The following AMBRA1 variants were observed in gnomAD, a reference collection of about 807,000 sequenced individuals.
The protein encoded by AMBRA1 is autophagy and beclin 1 regulator 1.
A neutral mutation model predicts 125.4 loss-of-function variants in AMBRA1; 47 were observed. The ratio of observed to expected loss-of-function variants is 0.37; its 90% confidence interval spans 0.30 to 0.48. The LOEUF is 0.48. Among genes scored for constraint, AMBRA1 ranks in the 20% least tolerant of loss-of-function variants. AMBRA1 has a pLI of 0.99. For missense variants in AMBRA1, 1,331 were observed against 1,693.4 expected, an observed-to-expected ratio of 0.79 and a Z score of 3.76; for synonymous variants, 626 against 655.5, an observed-to-expected ratio of 0.95 and a Z score of 0.69.
At chr11:46,553,616 A>C (rs2043080137) in intron 1 of AMBRA1, among the ~76,000 whole-genome samples, 2 of 152,126 alleles carry the variant, frequency 1.3e-5, no homozygotes, top group East Asian at 1.9e-4. Context: ...GTGGTAGCTC[A>C]TGCCTGTAGT....
chr11:46,565,930 A>G (rs1256613092), intron 1 of AMBRA1, among the ~76,000 whole-genome samples: 1 of 151,882 alleles, frequency 6.6e-6, no homozygotes, highest in East Asian at 1.9e-4. Flanking sequence ...GTGCCATCAC[A>G]TCGGCTAATT....
At chr11:46,526,544 A>G (rs7932866) in intron 7 of AMBRA1, among the ~76,000 whole-genome samples, 26,246 of 149,122 alleles carry the variant, frequency 0.18, 2,475 homozygotes, top group African/African-American at 0.24. Flanking sequence ...AAAAAATTAA[A>G]ATTAAAAAAA....
intron 17 of AMBRA1, among the ~76,000 whole-genome samples, chr11:46,408,252 C>T (rs1946118682): frequency 6.6e-6 from 1 of 152,186 alleles, no homozygotes; most frequent in Non-Finnish European, 1.5e-5. Flanking sequence ...TCAATCCAGG[C>T]TTTCTGTGCT....
At chr11:46,512,241 TTCCTTTGGGCAGTCTCC>T (rs1951287274) in intron 8 of AMBRA1, among the ~76,000 whole-genome samples, 1 of 152,244 alleles carries the variant, frequency 6.6e-6, no homozygotes, top group Non-Finnish European at 1.5e-5. Flanking sequence ...CGGTCGTCTC[TTCCTTTGGGCAGTCTCC>T]AAAAATGTCA....
intron 1 of AMBRA1, among the ~76,000 whole-genome samples, chr11:46,551,710 A>C (rs1429649429): frequency 1.3e-5 from 2 of 152,058 alleles, no homozygotes; most frequent in African/African-American, 4.8e-5. Context: ...CTCTACTAAA[A>C]ATACAAAATT....
chr11:46,443,708 G>T, intron 11 of AMBRA1, 110 bp from the exon 12 acceptor site: 2 of 891,578 alleles, frequency 2.2e-6, no homozygotes, highest in Non-Finnish European at 3.5e-6. Flanking sequence ...GGAAAAACTA[G>T]ACTATGGCTG....
chr11:46,501,410 C>T (rs1160969056), intron 9 of AMBRA1, among the ~76,000 whole-genome samples: 1 of 152,198 alleles, frequency 6.6e-6, no homozygotes, highest in Admixed American at 6.5e-5. Flanking sequence ...GCAGGTTCTC[C>T]CTGTGCACCC....
chr11:46,426,327 G>T (rs1054415122), intron 14 of AMBRA1, among the ~76,000 whole-genome samples: 1 of 152,156 alleles, frequency 6.6e-6, no homozygotes, highest in Non-Finnish European at 1.5e-5. Flanking sequence ...GAGGGCTGGG[G>T]AGATGGCAGT....
At chr11:46,569,983 C>T (rs1289758712) in intron 1 of AMBRA1, among the ~76,000 whole-genome samples, 1 of 150,548 alleles carries the variant, frequency 6.6e-6, no homozygotes, top group Non-Finnish European at 1.5e-5. Context: ...TAATAAAGGC[C>T]AGGCACGGTG....
At chr11:46,536,462 C>T (rs1952482711) in intron 7 of AMBRA1, among the ~76,000 whole-genome samples, 1 of 151,826 alleles carries the variant, frequency 6.6e-6, no homozygotes, top group Admixed American at 6.6e-5. Context: ...ATTCCCCATC[C>T]AAAGAAACTG....
At chr11:46,563,198 A>C (rs1448528394) in intron 1 of AMBRA1, among the ~76,000 whole-genome samples, 1 of 152,170 alleles carries the variant, frequency 6.6e-6, no homozygotes, top group Non-Finnish European at 1.5e-5. Context: ...TGAGGCCAGG[A>C]GTTCAAGACC....
At chr11:46,442,274 C>G (rs1317185195) in intron 12 of AMBRA1, among the ~76,000 whole-genome samples, 3 of 151,976 alleles carry the variant, frequency 2.0e-5, no homozygotes, top group Non-Finnish European at 4.4e-5. Flanking sequence ...ACCCGAGTAG[C>G]TGGGAAAACA....
chr11:46,419,105 G>T (rs140176287), intron 14 of AMBRA1, among the ~76,000 whole-genome samples: 76 of 152,312 alleles, frequency 5.0e-4, no homozygotes, highest in African/African-American at 1.6e-3. Context: ...TGGAGGGAGC[G>T]GAGCAGAGGG....
intron 7 of AMBRA1, among the ~76,000 whole-genome samples, chr11:46,513,722 A>T (rs1347415066): frequency 6.6e-6 from 1 of 152,160 alleles, no homozygotes; most frequent in Admixed American, 6.5e-5. Flanking sequence ...TTCAATGGAG[A>T]CTGACAAACA....
Position 46,397,442 on chromosome 11 carries a change from G to A in AMBRA1, c.*8C>T, listed in dbSNP as rs753049310. ...GTTCGAGGGGAGGCACCAGTGCAACGTTTGTCTCTACCTGTTCCGTGGTTC... is the reference window on the plus strand; with the variant it reads ...GTTCGAGGGGAGGCACCAGTGCAACATTTGTCTCTACCTGTTCCGTGGTTC... On this transcript the variant is annotated 3_prime_UTR_variant, in exon 18 of 18. Coordinates refer to ENST00000683756, the MANE Select transcript of AMBRA1 (RefSeq NM_001387011.1). 4.7e-6 allele frequency: 7 copies of A among 1,487,970 alleles called. No individual in the cohort carries two copies. The highest frequency in any genetic ancestry group is 1.4e-5 in the South Asian group (1 of 70,040). 92.2% of individuals were successfully genotyped at this position (1,487,970 alleles called of 1,614,324 possible). A position where few individuals can be genotyped will look rare whatever the true frequency, so the allele number is the denominator to read the frequency against.
At chr11:46,538,767 G>A (rs112323696) in intron 7 of AMBRA1, among the ~76,000 whole-genome samples, 6,627 of 152,076 alleles carry the variant, frequency 0.044, 488 homozygotes, top group African/African-American at 0.15. Flanking sequence ...CAAAGTGCTG[G>A]GATTACAGGC....
intron 15 of AMBRA1, among the ~76,000 whole-genome samples, chr11:46,416,997 C>T (rs1411343994): frequency 6.6e-6 from 1 of 152,088 alleles, no homozygotes; most frequent in Non-Finnish European, 1.5e-5. Flanking sequence ...GACACAAATC[C>T]CCTCCTACTC....
At chr11:46,452,507 T>C (rs935417939) in intron 11 of AMBRA1, among the ~76,000 whole-genome samples, 3 of 152,162 alleles carry the variant, frequency 2.0e-5, no homozygotes, top group African/African-American at 7.2e-5. Flanking sequence ...TTTTCTCTTA[T>C]GGATTATCTG....
chr11:46,480,675 C>A (rs191827023), intron 11 of AMBRA1, among the ~76,000 whole-genome samples: 18 of 152,218 alleles, frequency 1.2e-4, no homozygotes, highest in African/African-American at 3.1e-4. Flanking sequence ...GAAGTTTAAC[C>A]AAAGTCAGCC....
Sources: gnomAD v4.1 joint callset for allele counts (sites outside exome capture counted in the v4.1 genomes callset) on GRCh38, gnomAD v4.1.1 for gene constraint, MANE v1.5 for transcripts, NCBI Gene and HGNC (gene_info 2026-07-23, HGNC 2026-07-21) for gene names.